RHBDD1: variants seen among roughly 807,000 people sequenced by gnomAD.
RHBDD1 encodes the protein rhomboid-related protein 4.
Under a neutral mutation model 36.3 loss-of-function variants are expected in RHBDD1, and 38 were observed. The observed-to-expected ratio is 1.05, with a 90% confidence interval of 0.81 to 1.37. The LOEUF (loss-of-function observed/expected upper bound fraction) is 1.37, where lower values mean the gene tolerates loss of function less well. Among genes scored for constraint, RHBDD1 ranks in the 40% most tolerant of loss-of-function variants. The pLI, the probability that RHBDD1 is intolerant of heterozygous loss-of-function variation, is 0.00. For synonymous variants in RHBDD1, 151 were observed against 136.5 expected, an observed-to-expected ratio of 1.11 and a Z score of -0.74; for missense variants, 393 against 377.6, an observed-to-expected ratio of 1.04 and a Z score of -0.34.
intron 5 of RHBDD1, among the ~76,000 whole-genome samples, chr2:226,886,937 T>C (rs1946265963): frequency 6.6e-6 from 1 of 151,966 alleles, no homozygotes; most frequent in African/African-American, 2.4e-5. Flanking sequence ...AGGCAAATTT[T>C]AATAAACTAA....
chr2:226,982,235 T>G (rs1180350313), intron 8 of RHBDD1, among the ~76,000 whole-genome samples: 1 of 152,196 alleles, frequency 6.6e-6, no homozygotes, highest in Non-Finnish European at 1.5e-5. Flanking sequence ...TAATTGCAGG[T>G]TTTTCTCAGA....
rs1341483681 is a variant in RHBDD1 at position 226,865,030 on chromosome 2, G to A, written c.337G>A (p.Val113Ile). The change falls in exon 4 of 9, where the codon GTA becomes ATA. Residue 113 changes from valine (V) to isoleucine (I), a missense_variant. Transcript: ENST00000392062. ...WFAYVITAFS[V>I]LTGVVYLLLQ... The stretch of plus-strand genomic sequence containing the variant: ...TGCCTATGTTATCACCGCATTTTCT[G>A]TACTTACTGGAGTGGTATACCTGCT... 1 of 1,614,110 alleles carries A rather than the reference G, an allele frequency of 6.2e-7. No homozygotes were observed. The highest frequency in any genetic ancestry group is 1.3e-5 in the African/African-American group (1 of 74,938).
chr2:226,815,949 A>G, the RHBDD1 span, among the ~76,000 whole-genome samples: 2 of 152,184 alleles, frequency 1.3e-5, no homozygotes, highest in Non-Finnish European at 2.9e-5. Flanking sequence ...GAATCTATTT[A>G]TTGCTTTAGG....
At chr2:226,922,518 T>G (rs1246662282) in intron 8 of RHBDD1, among the ~76,000 whole-genome samples, 1 of 152,176 alleles carries the variant, frequency 6.6e-6, no homozygotes, top group Non-Finnish European at 1.5e-5. Context: ...CTATATGTAT[T>G]TTCATTCTCT....
chr2:226,993,680 G>C (rs1958770630), intron 8 of RHBDD1, among the ~76,000 whole-genome samples: 1 of 152,178 alleles, frequency 6.6e-6, no homozygotes, highest in South Asian at 2.1e-4. Flanking sequence ...CTCTCAACAG[G>C]AAAGGAGAAT....
chr2:226,803,930 G>A, the RHBDD1 span: 1 of 152,222 alleles, frequency 6.6e-6, no homozygotes, highest in Non-Finnish European at 1.5e-5. Context: ...GCAGTCTGAG[G>A]CAGTGCATTT....
rs201451974 is a variant in RHBDD1, at chr2:226,864,793, A to G, written c.100A>G (p.Thr34Ala). 5.6e-5 allele frequency: 90 copies of G among 1,614,180 alleles called. 1 individual carries two copies. The East Asian group carries it at 1.8e-3, about 32-fold the overall frequency. Residue 34 changes from threonine to alanine, a missense_variant, in exon 4 of 9, where the codon ACT becomes GCT. By Grantham distance (58) the Thr-to-Ala change is moderately conservative (BLOSUM62 0). Coordinates refer to ENST00000392062, the MANE Select transcript of RHBDD1 (RefSeq NM_001167608.3). ...CAATATTCCACCTGTCACCCTAGCAACTTTGGCCCTCAACATCTGGTTCTT... is the reference window on the plus strand; with the variant it reads ...CAATATTCCACCTGTCACCCTAGCAGCTTTGGCCCTCAACATCTGGTTCTT... ...INNIPPVTLA[T>A]LALNIWFFLN...
At chr2:226,855,608 T>C (rs1943245442) in intron 3 of RHBDD1, among the ~76,000 whole-genome samples, 1 of 152,224 alleles carries the variant, frequency 6.6e-6, no homozygotes, top group African/African-American at 2.4e-5. Flanking sequence ...GGTGAGAAAG[T>C]TTCTTAATAT....
chr2:226,952,293 GTTTTTT>G (rs5839184), intron 8 of RHBDD1, among the ~76,000 whole-genome samples: 2 of 71,226 alleles, frequency 2.8e-5, no homozygotes, highest in Non-Finnish European at 5.6e-5. Context: ...TTTTGGTTTG[GTTTTTT>G]TTTTTTTTTT....
chr2:226,881,300 C>T (rs6710848), intron 5 of RHBDD1, among the ~76,000 whole-genome samples: 28,271 of 152,158 alleles, frequency 0.19, 4,366 homozygotes, highest in African/African-American at 0.42. Flanking sequence ...AGCCTAACCA[C>T]ATCACTGCCC....
chr2:226,870,561 C>G (rs1944716742), intron 5 of RHBDD1, among the ~76,000 whole-genome samples: 1 of 152,086 alleles, frequency 6.6e-6, no homozygotes, highest in Non-Finnish European at 1.5e-5. Context: ...TACAGTTGAC[C>G]CCTGAACAAC....
intron 5 of RHBDD1, among the ~76,000 whole-genome samples, chr2:226,896,196 C>G (rs1473449042): frequency 6.6e-6 from 1 of 152,190 alleles, no homozygotes; most frequent in Non-Finnish European, 1.5e-5. Context: ...GATTAGATGT[C>G]TCTATTTTGT....
At chr2:226,994,228 G>A (rs1429175456) in intron 8 of RHBDD1, among the ~76,000 whole-genome samples, 1 of 152,232 alleles carries the variant, frequency 6.6e-6, no homozygotes, top group Admixed American at 6.5e-5. Context: ...TTATTGAACA[G>A]CTACTGTGTG....
intron 8 of RHBDD1, among the ~76,000 whole-genome samples, chr2:226,925,428 G>T (rs1949598976): frequency 6.6e-6 from 1 of 152,100 alleles, no homozygotes; most frequent in Non-Finnish European, 1.5e-5. Flanking sequence ...GAAAAATTTA[G>T]TGGCATGAAA....
At chr2:226,981,560 G>A (rs1184143388) in intron 8 of RHBDD1, among the ~76,000 whole-genome samples, 2 of 96,750 alleles carry the variant, frequency 2.1e-5, no homozygotes, top group African/African-American at 1.3e-4. Flanking sequence ...TCATCCACAT[G>A]CACACACATA....
chr2:226,855,553 A>G (rs986375774), intron 3 of RHBDD1, among the ~76,000 whole-genome samples: 1 of 152,210 alleles, frequency 6.6e-6, no homozygotes, highest in South Asian at 2.1e-4. Context: ...AGAAAGATAC[A>G]GCCAGTTGTC....
intron 4 of RHBDD1, among the ~76,000 whole-genome samples, 199 bp from the exon 5 acceptor site, chr2:226,866,987 T>C (rs1944398292): frequency 6.6e-6 from 1 of 152,232 alleles, no homozygotes; most frequent in African/African-American, 2.4e-5. Flanking sequence ...AACTTCTATA[T>C]TTAGAAACAT....
At chr2:226,846,933 G>C (rs996049289) in intron 3 of RHBDD1, among the ~76,000 whole-genome samples, 13 of 152,154 alleles carry the variant, frequency 8.5e-5, no homozygotes, top group African/African-American at 3.1e-4. Flanking sequence ...GTAGTTGTCA[G>C]AATTGCAGCT....
At chr2:226,914,557 A>G (rs1948763631) in intron 8 of RHBDD1, 1 of 403,874 alleles carries the variant, frequency 2.5e-6, no homozygotes, top group Non-Finnish European at 4.3e-6. Flanking sequence ...CAGACTGTGT[A>G]TGTATTGTTA....
Sources: allele counts gnomAD v4.1 joint callset (sites outside exome capture counted in the v4.1 genomes callset), GRCh38; gene constraint gnomAD v4.1.1; transcripts MANE v1.5; gene names NCBI Gene and HGNC (gene_info 2026-07-23, HGNC 2026-07-21).